Variants in RAPGEF4 observed in about 807,000 individuals in gnomAD.
RAPGEF4 encodes Rap guanine nucleotide exchange factor 4.
In RAPGEF4, 66 loss-of-function variants were observed where a neutral mutation model predicts 147.9. The observed-to-expected ratio is 0.45, with a 90% CI of 0.37 to 0.55. RAPGEF4 has a LOEUF of 0.55. RAPGEF4 is among the 20% of genes least tolerant of loss of function. The probability of loss-of-function intolerance (pLI) is 0.00; values close to 1 mark genes in which losing one functional copy is unlikely to be tolerated. For synonymous variants in RAPGEF4, 419 were observed against 442.7 expected, an observed-to-expected ratio of 0.95 and a Z score of 0.67; for missense variants, 1,071 against 1,257.3, an observed-to-expected ratio of 0.85 and a Z score of 2.24.
At chr2:172,873,137 T>A (rs1251704759) in intron 4 of RAPGEF4, among the ~76,000 whole-genome samples, 1 of 152,184 alleles carries the variant, frequency 6.6e-6, no homozygotes, top group Non-Finnish European at 1.5e-5. Context: ...TCACAGTGAA[T>A]ACAATGTGTC....
intron 3 of RAPGEF4, among the ~76,000 whole-genome samples, chr2:172,802,918 A>G (rs1010362647): frequency 6.6e-6 from 1 of 152,264 alleles, no homozygotes; most frequent in Non-Finnish European, 1.5e-5. Flanking sequence ...TTAAAGCTCC[A>G]AAATGATCTC....
At chr2:172,822,182 G>C (rs1480699972) in intron 4 of RAPGEF4, among the ~76,000 whole-genome samples, 1 of 152,098 alleles carries the variant, frequency 6.6e-6, no homozygotes, top group African/African-American at 2.4e-5. Flanking sequence ...GTGAGTGGTG[G>C]CTCATCTTTC....
At chr2:173,023,916 G>A (rs1696368734) in intron 23 of RAPGEF4, among the ~76,000 whole-genome samples, 1 of 152,232 alleles carries the variant, frequency 6.6e-6, no homozygotes, top group South Asian at 2.1e-4. Flanking sequence ...GAACGTGCAA[G>A]GCCAGTTTGA....
intron 3 of RAPGEF4, among the ~76,000 whole-genome samples, chr2:172,802,405 G>T (rs1296762030): frequency 6.6e-6 from 1 of 152,196 alleles, no homozygotes; most frequent in African/African-American, 2.4e-5. Context: ...CAGGCAAAGA[G>T]AGCTTGTGCA....
At chr2:172,858,239 C>T (rs1276127161) in intron 4 of RAPGEF4, among the ~76,000 whole-genome samples, 1 of 152,156 alleles carries the variant, frequency 6.6e-6, no homozygotes, top group Non-Finnish European at 1.5e-5. Context: ...TTAACATTTA[C>T]CAAATTATTA....
intron 17 of RAPGEF4, among the ~76,000 whole-genome samples, chr2:173,011,170 G>GCGCGCGCGCACACACA (rs564434178): frequency 8.0e-4 from 107 of 133,560 alleles, no homozygotes; most frequent in African/African-American, 1.9e-3. Context: ...GCGCGCGCGC[G>GCGCGCGCGCACACACA]CACACACACA....
chr2:172,971,765 T>A (rs570670887), intron 10 of RAPGEF4, among the ~76,000 whole-genome samples: 7 of 152,098 alleles, frequency 4.6e-5, no homozygotes, highest in Non-Finnish European at 7.4e-5. Context: ...ATTTTTTTTT[T>A]GATCTGCTAA....
chr2:172,987,767 C>T (rs1692421984), intron 12 of RAPGEF4, among the ~76,000 whole-genome samples: 1 of 152,150 alleles, frequency 6.6e-6, no homozygotes, highest in Non-Finnish European at 1.5e-5. Flanking sequence ...GGCACCAATT[C>T]CCCATGGATA....
At chr2:172,831,252 T>C (rs375871475) in intron 4 of RAPGEF4, among the ~76,000 whole-genome samples, 2 of 136,394 alleles carry the variant, frequency 1.5e-5, no homozygotes, top group African/African-American at 2.7e-5. Flanking sequence ...AATGTGACTG[T>C]TTCAGATAGA....
At chr2:173,039,240 G>A (rs1013073532) in intron 29 of RAPGEF4, among the ~76,000 whole-genome samples, 3 of 151,378 alleles carry the variant, frequency 2.0e-5, no homozygotes, top group Admixed American at 1.3e-4. Context: ...GGTGGATCAC[G>A]AGGTCAGGAG....
At chr2:172,757,530 T>A (rs1321814630) in intron 1 of RAPGEF4, among the ~76,000 whole-genome samples, 1 of 152,238 alleles carries the variant, frequency 6.6e-6, no homozygotes, top group African/African-American at 2.4e-5. Flanking sequence ...CATCCTATCT[T>A]CTTCCCTTGC....
At chr2:172,940,951 T>A (rs1687084092) in intron 6 of RAPGEF4, among the ~76,000 whole-genome samples, 3 of 152,220 alleles carry the variant, frequency 2.0e-5, no homozygotes, top group African/African-American at 7.2e-5. Context: ...TTTGTTAGAT[T>A]AATACAAAGT....
intron 29 of RAPGEF4, among the ~76,000 whole-genome samples, chr2:173,041,617 A>G (rs573617502): frequency 6.6e-6 from 1 of 152,350 alleles, no homozygotes; most frequent in South Asian, 2.1e-4. Flanking sequence ...AAATGCAGGA[A>G]AGAAAACTTC....
At chr2:172,795,648 A>G (rs988889260) in intron 2 of RAPGEF4, among the ~76,000 whole-genome samples, 5 of 152,232 alleles carry the variant, frequency 3.3e-5, no homozygotes, top group Non-Finnish European at 7.3e-5. Context: ...AAGAAGTAAT[A>G]GTTCTTCTGT....
intron 4 of RAPGEF4, among the ~76,000 whole-genome samples, chr2:172,904,186 C>T (rs1328603924): frequency 6.6e-6 from 1 of 152,100 alleles, no homozygotes; most frequent in African/African-American, 2.4e-5. Flanking sequence ...AAGAGCTGGG[C>T]TTCATGTGAG....
At chr2:172,916,801 C>T (rs1054237839) in intron 4 of RAPGEF4, among the ~76,000 whole-genome samples, 3 of 152,214 alleles carry the variant, frequency 2.0e-5, no homozygotes, top group Non-Finnish European at 2.9e-5. Flanking sequence ...CCCAATACTG[C>T]GTGCTGCCAG....
At chr2:172,969,912 A>G (rs1690274330) in intron 10 of RAPGEF4, among the ~76,000 whole-genome samples, 1 of 152,170 alleles carries the variant, frequency 6.6e-6, no homozygotes, top group Non-Finnish European at 1.5e-5. Flanking sequence ...TACATTCCAA[A>G]ACTGACACTC....
chr2:172,940,430 G>T (rs1687034287), intron 6 of RAPGEF4, among the ~76,000 whole-genome samples: 1 of 152,016 alleles, frequency 6.6e-6, no homozygotes, highest in Non-Finnish European at 1.5e-5. Context: ...CTGTCTTGGT[G>T]ATAGTGAGTT....
intron 4 of RAPGEF4, among the ~76,000 whole-genome samples, chr2:172,911,070 G>A (rs541363766): frequency 2.0e-5 from 3 of 152,274 alleles, no homozygotes; most frequent in Admixed American, 6.5e-5. Flanking sequence ...TCCCACATCC[G>A]AAATGCACTC....
Sources: allele counts gnomAD v4.1 joint callset (sites outside exome capture counted in the v4.1 genomes callset), GRCh38; gene constraint gnomAD v4.1.1; transcripts MANE v1.5; gene names NCBI Gene and HGNC (gene_info 2026-07-23, HGNC 2026-07-21).